Variants in LHX8 observed in about 807,000 individuals in gnomAD.
LHX8 encodes the protein LIM/homeobox protein Lhx8.
LHX8 carries 12 observed loss-of-function variants against 40.3 expected under a neutral mutation model. The observed-to-expected ratio is 0.30, with a 90% CI of 0.19 to 0.48. LHX8 has a LOEUF of 0.48. Among genes scored for constraint, LHX8 ranks in the 20% least tolerant of loss-of-function variants. The pLI, the probability that LHX8 is intolerant of heterozygous loss-of-function variation, is 0.99. For missense variants in LHX8, 344 were observed against 433.7 expected, an observed-to-expected ratio of 0.79 and a Z score of 1.84; for synonymous variants, 179 against 162.0, an observed-to-expected ratio of 1.10 and a Z score of -0.80.
the LHX8 span, among the ~76,000 whole-genome samples, chr1:75,191,293 T>G: frequency 1.3e-5 from 2 of 151,934 alleles, no homozygotes. Flanking sequence ...TGGTCAGACG[T>G]GTGGAAAATC....
chr1:75,146,277 G>A (rs937344337), intron 6 of LHX8, among the ~76,000 whole-genome samples: 1 of 152,082 alleles, frequency 6.6e-6, no homozygotes, highest in Non-Finnish European at 1.5e-5. Flanking sequence ...AGTTAAAATG[G>A]AAGGGATAAA....
At chr1:75,148,817 A>T in intron 7 of LHX8, 135 bp downstream of exon 7, 1 of 671,380 alleles carries the variant, frequency 1.5e-6, no homozygotes, top group Admixed American at 2.5e-5. Context: ...TAATGGGATT[A>T]CAGGATGAGC....
intron 4 of LHX8, 151 bp downstream of exon 4, chr1:75,141,257 A>T: frequency 1.3e-6 from 1 of 772,910 alleles, no homozygotes; most frequent in Non-Finnish European, 2.1e-6. Context: ...TTCCTGTTTG[A>T]GATATAATGT....
At position 75,161,206 on chromosome 1, in the gene LHX8, GGACT is replaced by G. The variant is rs1378123399; in HGVS notation, c.*315_*318del. 7 of 293,052 alleles carry G rather than the reference GGACT, an allele frequency of 2.4e-5. No individual in the cohort carries two copies. Among genetic ancestry groups the G allele is most frequent in the East Asian group, 1.6e-4 (2 of 12,612 alleles). The allele number at this position is 293,052 out of a possible 1,614,324, so 18.2% of individuals were successfully genotyped here. Reference sequence around the variant, plus strand: ...AAAAGAGCACTTTGCCTAAAAGAAAGGACTGACAAGTGTGCAAAATGTTTACAAT... The same window carrying G: ...AAAAGAGCACTTTGCCTAAAAGAAAGGACAAGTGTGCAAAATGTTTACAAT... On this transcript the variant is annotated 3_prime_UTR_variant, in exon 9 of 9. Coordinates refer to ENST00000356261, the MANE Select transcript of LHX8 (RefSeq NM_001256114.2).
upstream of LHX8, among the ~76,000 whole-genome samples, chr1:75,134,347 T>A (rs570487616): frequency 8.4e-5 from 12 of 142,078 alleles, no homozygotes; most frequent in East Asian, 2.4e-3. Flanking sequence ...AAAACAAAAC[T>A]TTTTTTTTTT....
chr1:75,181,962 G>A, the LHX8 span, among the ~76,000 whole-genome samples: 30 of 152,192 alleles, frequency 2.0e-4, no homozygotes, highest in East Asian at 5.6e-3. Flanking sequence ...TGTTTACTTT[G>A]CTGATTATTT....
intron 7 of LHX8, among the ~76,000 whole-genome samples, chr1:75,150,337 GACC>G (rs1335057586): frequency 1.3e-5 from 2 of 152,206 alleles, no homozygotes; most frequent in Non-Finnish European, 2.9e-5. Flanking sequence ...TTGGAAGTTG[GACC>G]CTTTTAGCTG....
chr1:75,170,491 G>T, the LHX8 span, among the ~76,000 whole-genome samples: 1 of 152,158 alleles, frequency 6.6e-6, no homozygotes, highest in Admixed American at 6.5e-5. Context: ...TAATTGTTAA[G>T]AGAACCTGTG....
intron 8 of LHX8, 110 bp downstream of exon 8, chr1:75,157,186 C>A: frequency 2.4e-6 from 3 of 1,251,946 alleles, no homozygotes; most frequent in East Asian, 2.4e-5. Context: ...TCAGTAGTAG[C>A]TGAAAAATAT....
At chr1:75,181,946 G>GT in the LHX8 span, among the ~76,000 whole-genome samples, 1 of 152,240 alleles carries the variant, frequency 6.6e-6, no homozygotes, top group Admixed American at 6.5e-5. Context: ...CATTCTGTGT[G>GT]TTGCCTGTTT....
intron 4 of LHX8, 57 bp downstream of exon 4, chr1:75,141,163 C>G (rs898684961): frequency 5.1e-6 from 8 of 1,572,140 alleles, no homozygotes; most frequent in African/African-American, 2.7e-5. Flanking sequence ...TGCAAAGAGA[C>G]TTTTGTAATA....
chr1:75,151,129 G>C (rs1202497797), intron 7 of LHX8, among the ~76,000 whole-genome samples: 1 of 152,102 alleles, frequency 6.6e-6, no homozygotes, highest in African/African-American at 2.4e-5. Flanking sequence ...TTGATACATG[G>C]GTACTTATTC....
downstream of LHX8, among the ~76,000 whole-genome samples, chr1:75,166,344 CCTT>C (rs1305474815): frequency 6.6e-6 from 1 of 152,160 alleles, no homozygotes; most frequent in Non-Finnish European, 1.5e-5. Context: ...AGAGGTGTGA[CCTT>C]CTGTGATTTG....
chr1:75,133,543 T>C (rs1329473744), upstream of LHX8, among the ~76,000 whole-genome samples: 2 of 152,198 alleles, frequency 1.3e-5, no homozygotes, highest in Non-Finnish European at 2.9e-5. Context: ...GTTTCAGAAG[T>C]TTAGCTTTTT....
intron 6 of LHX8, among the ~76,000 whole-genome samples, chr1:75,146,783 A>G (rs1291432545): frequency 1.3e-5 from 2 of 152,158 alleles, no homozygotes; most frequent in Non-Finnish European, 2.9e-5. Flanking sequence ...CCTTTAGAAT[A>G]TTTCAATTCT....
At chr1:75,146,821 C>G (rs1648471077) in intron 6 of LHX8, among the ~76,000 whole-genome samples, 1 of 152,092 alleles carries the variant, frequency 6.6e-6, no homozygotes, top group Admixed American at 6.6e-5. Context: ...TTGCTTTACT[C>G]TTTAATGAGA....
At chr1:75,139,047 A>AT (rs888502460) in intron 3 of LHX8, among the ~76,000 whole-genome samples, 22 of 152,236 alleles carry the variant, frequency 1.4e-4, no homozygotes, top group Admixed American at 6.5e-4. Context: ...TGAGTCACTG[A>AT]TTTAAAAAAA....
At chr1:75,145,704 T>A (rs536996816) in intron 6 of LHX8, among the ~76,000 whole-genome samples, 1 of 152,212 alleles carries the variant, frequency 6.6e-6, no homozygotes, top group African/African-American at 2.4e-5. Context: ...CAGGAGACCA[T>A]GAGTGGAAGT....
intron 1 of LHX8, among the ~76,000 whole-genome samples, chr1:75,135,584 A>G (rs1399607997): frequency 6.6e-6 from 1 of 152,234 alleles, no homozygotes; most frequent in African/African-American, 2.4e-5. Flanking sequence ...TCAGAAATGC[A>G]GAAGTGCGAG....
Sources: gnomAD v4.1 joint callset for allele counts (sites outside exome capture counted in the v4.1 genomes callset) on GRCh38, gnomAD v4.1.1 for gene constraint, MANE v1.5 for transcripts, NCBI Gene and HGNC (gene_info 2026-07-23, HGNC 2026-07-21) for gene names.